Variants in CCDC30 observed in about 807,000 individuals in gnomAD.
CCDC30 encodes coiled-coil domain-containing protein 30.
In CCDC30, 70 loss-of-function variants were observed where a neutral mutation model predicts 100.2. That is an observed-to-expected ratio of 0.70 (90% CI 0.58 to 0.85). The LOEUF (loss-of-function observed/expected upper bound fraction) is 0.85. Ranked by LOEUF, CCDC30 falls within the 40% of genes least tolerant of loss-of-function variation. CCDC30 has a pLI of 0.00. For missense variants in CCDC30, 652 were observed against 771.2 expected (o/e 0.85, Z 1.83); for synonymous variants, 233 against 269.5 (o/e 0.86, Z 1.33).
rs973109786 is a variant in CCDC30 at position 42,536,623 on chromosome 1, T to G, written c.457-29673T>G. On this transcript the variant is annotated intron_variant, in intron 6 of 16. Transcript: ENST00000668663. ...TGAGGTATTACCATTCAGGAAGCTG[T>G]TTTCTTCTTCTTGTAGTTCTAATTT... 6 of 1,488,902 alleles carry G rather than the reference T, an allele frequency of 4.0e-6. No homozygotes were observed. The African/African-American group carries it at 7.0e-5, about 17-fold the overall frequency. The allele number at this position is 1,488,902 out of a possible 1,614,324, so 92.2% of individuals were successfully genotyped here.
chr1:42,546,397 AAAATATATATATATATAT>A (rs1190749166), intron 6 of CCDC30, among the ~76,000 whole-genome samples: 205 of 4,292 alleles, frequency 0.048, 25 homozygotes, highest in Middle Eastern at 0.33. Context: ...AAAAAAAAAA[AAAATATATATATATATAT>A]ATATATATAT....
chr1:42,494,208 A>G (rs533260265), intron 4 of CCDC30, among the ~76,000 whole-genome samples: 39 of 152,264 alleles, frequency 2.6e-4, no homozygotes, highest in Non-Finnish European at 5.0e-4. Flanking sequence ...CCGCATATCT[A>G]CAACTATCTG....
intron 7 of CCDC30, among the ~76,000 whole-genome samples, chr1:42,569,388 G>T (rs577809689): frequency 1.3e-5 from 2 of 152,102 alleles, no homozygotes; most frequent in African/African-American, 4.8e-5. Flanking sequence ...GCTCATCATC[G>T]CTGGTCATTA....
the CCDC30 span, chr1:42,456,805 C>G: frequency 6.2e-6 from 10 of 1,613,262 alleles, no homozygotes; most frequent in Non-Finnish European, 7.6e-6. Flanking sequence ...GCTACGGGGT[C>G]CTGTTCTTGT....
rs566877500 is a variant in CCDC30 at position 42,579,023 on chromosome 1, G to T, written c.846+1794G>T. On this transcript the variant is annotated intron_variant, in intron 8 of 16. Coordinates refer to ENST00000668663, the Ensembl canonical transcript of CCDC30. ...GTTTTTGTTTTTGAGACAGAGTCTCGCTCTGTCACCAGACTGGAGTGCAGT... is the reference window on the plus strand; with the variant it reads ...GTTTTTGTTTTTGAGACAGAGTCTCTCTCTGTCACCAGACTGGAGTGCAGT... 6.6e-5 allele frequency among the ~76,000 whole-genome samples: 10 copies of T among 151,958 alleles called. 1 individual carries two copies. In the South Asian group the frequency reaches 1.9e-3, roughly 29 times the overall value.
the CCDC30 span, chr1:42,457,174 A>G: frequency 2.5e-6 from 4 of 1,602,062 alleles, no homozygotes; most frequent in Non-Finnish European, 3.4e-6. Flanking sequence ...CAGCTGGGGA[A>G]CCCGAGTTGA....
intron 10 of CCDC30, among the ~76,000 whole-genome samples, chr1:42,595,785 C>A (rs1646275395): frequency 6.6e-6 from 1 of 151,984 alleles, no homozygotes; most frequent in Non-Finnish European, 1.5e-5. Flanking sequence ...TTAGTGACTC[C>A]CTGAAAAATA....
At chr1:42,588,534 G>A (rs1427018854) in intron 9 of CCDC30, among the ~76,000 whole-genome samples, 5 of 152,118 alleles carry the variant, frequency 3.3e-5, no homozygotes, top group Admixed American at 6.5e-5. Flanking sequence ...GGAGAGTGAA[G>A]GGACCCTGGA....
At chr1:42,544,570 G>C (rs538637736) in intron 6 of CCDC30, among the ~76,000 whole-genome samples, 33 of 152,098 alleles carry the variant, frequency 2.2e-4, no homozygotes, top group African/African-American at 7.7e-4. Context: ...GCTGGAGTGC[G>C]GTGGCCTGAT....
chr1:42,489,055 C>T (rs1435419093), intron 3 of CCDC30, among the ~76,000 whole-genome samples: 1 of 152,204 alleles, frequency 6.6e-6, no homozygotes, highest in African/African-American at 2.4e-5. Flanking sequence ...GTCTTATTCC[C>T]TCTTTCCAGA....
chr1:42,540,591 C>T (rs72957953), intron 6 of CCDC30, among the ~76,000 whole-genome samples: 2,195 of 152,110 alleles, frequency 0.014, 47 homozygotes, highest in African/African-American at 0.049. Flanking sequence ...CATATACTTT[C>T]ACTCTTCCAA....
intron 8 of CCDC30, among the ~76,000 whole-genome samples, chr1:42,580,256 G>A (rs1645935502): frequency 6.6e-6 from 1 of 152,210 alleles, no homozygotes; most frequent in Admixed American, 6.5e-5. Context: ...TCAGATGGCT[G>A]GCTGCCTACT....
intron 9 of CCDC30, among the ~76,000 whole-genome samples, chr1:42,584,378 G>T (rs900615399): frequency 6.6e-6 from 1 of 152,112 alleles, no homozygotes; most frequent in Admixed American, 6.5e-5. Context: ...ATCACTTGAG[G>T]TCAGAAGTTT....
At chr1:42,543,377 T>C (rs4604733) in intron 6 of CCDC30, among the ~76,000 whole-genome samples, 20,650 of 151,820 alleles carry the variant, frequency 0.14, 1,542 homozygotes, top group East Asian at 0.19. Context: ...GCTGGAGTGC[T>C]GTGGCACGAT....
rs751415923 is a variant in CCDC30 at position 42,642,652 on chromosome 1, G to A, written c.1556+43G>A. On this transcript the variant is annotated intron_variant, in intron 13 of 16. Transcript: ENST00000668663. ...TGGGAGCCAATAAACTCCACAAGAG[G>A]ATGTTTCTCCCTCAACAAAGAGATG... The A allele has an allele frequency of 3.5e-6, 5 of 1,438,420 alleles. No individual in the cohort carries two copies. In the African/African-American group the frequency reaches 4.3e-5, roughly 12 times the overall value. The allele number at this position is 1,438,420 out of a possible 1,614,324, so 89.1% of individuals were successfully genotyped here.
At chr1:42,641,520 C>T (rs1405096019) in intron 12 of CCDC30, among the ~76,000 whole-genome samples, 1 of 151,340 alleles carries the variant, frequency 6.6e-6, no homozygotes, top group African/African-American at 2.4e-5. Context: ...CACTGCACCC[C>T]AGTCTGGATG....
intron 11 of CCDC30, among the ~76,000 whole-genome samples, chr1:42,625,641 A>C (rs1038946456): frequency 1.3e-5 from 2 of 152,024 alleles, no homozygotes; most frequent in Non-Finnish European, 2.9e-5. Flanking sequence ...CATATTGTTT[A>C]ATTTCCATGT....
chr1:42,579,766 A>G (rs913948803), intron 8 of CCDC30, among the ~76,000 whole-genome samples: 1 of 151,928 alleles, frequency 6.6e-6, no homozygotes, highest in Non-Finnish European at 1.5e-5. Context: ...GGAGGATGAG[A>G]TGGGAGCATC....
chr1:42,456,967 C>G, the CCDC30 span: 1 of 1,604,082 alleles, frequency 6.2e-7, no homozygotes, highest in East Asian at 2.2e-5. Context: ...CTCTGAGGAG[C>G]TACCAGGAGG....
Sources: gnomAD v4.1 joint callset for allele counts (sites outside exome capture counted in the v4.1 genomes callset) on GRCh38, gnomAD v4.1.1 for gene constraint, MANE v1.5 for transcripts, NCBI Gene and HGNC (gene_info 2026-07-23, HGNC 2026-07-21) for gene names.